Variants in ARID1B observed in about 807,000 individuals in gnomAD.
ARID1B encodes AT-rich interaction domain 1B.
ARID1B carries 30 observed loss-of-function variants against 212.3 expected under a neutral mutation model. That is an observed-to-expected ratio of 0.14 (90% CI 0.11 to 0.19). The LOEUF (loss-of-function observed/expected upper bound fraction) is 0.19, where lower values mean the gene tolerates loss of function less well. Among genes scored for constraint, ARID1B ranks in the 10% least tolerant of loss-of-function variants. The probability of loss-of-function intolerance (pLI) is 1.00; values close to 1 mark genes in which losing one functional copy is unlikely to be tolerated. For synonymous variants in ARID1B, 1,402 were observed against 1,301.7 expected (o/e 1.08, Z -1.66); for missense variants, 2,891 against 3,204.0 (o/e 0.90, Z 2.36).
At chr6:156,978,634 C>T (rs1039013567) in intron 4 of ARID1B, among the ~76,000 whole-genome samples, 3 of 152,086 alleles carry the variant, frequency 2.0e-5, no homozygotes, top group Non-Finnish European at 2.9e-5. Context: ...TGTTTTGTGT[C>T]GTTATACAGA....
intron 3 of ARID1B, among the ~76,000 whole-genome samples, chr6:156,904,472 C>T (rs1012757905): frequency 3.3e-5 from 5 of 152,176 alleles, no homozygotes; most frequent in Non-Finnish European, 7.3e-5. Context: ...CATAAGTGGG[C>T]AGTAATATCT....
intron 2 of ARID1B, among the ~76,000 whole-genome samples, chr6:156,892,606 A>T (rs1383018237): frequency 6.6e-6 from 1 of 152,208 alleles, no homozygotes; most frequent in Non-Finnish European, 1.5e-5. Flanking sequence ...GAGTTTTGAC[A>T]ATTACATACG....
rs753125848 is a variant in ARID1B at position 156,779,162 on chromosome 6, C to G, written c.1482C>G (p.His494Gln). Residue 494 changes from histidine to glutamine, a missense_variant, in exon 1 of 20, where the codon CAC becomes CAG. Coordinates refer to ENST00000636930, the MANE Select transcript of ARID1B (RefSeq NM_001374828.1). ...AGCGCTTCGCCGGCCAGAACCAGCA[C>G]CCGTCGGGGGCCACCCCGACCCTCA... Reference protein sequence around the residue: ...GFQRFAGQNQHPSGATPTLNQ... With the variant: ...GFQRFAGQNQQPSGATPTLNQ... The G allele has an allele frequency of 1.5e-6, 2 of 1,325,392 alleles. No individual in the cohort carries two copies. Among genetic ancestry groups the G allele is most frequent in the Admixed American group, 2.8e-5 (1 of 36,052 alleles). 82.1% of individuals were successfully genotyped at this position (1,325,392 alleles called of 1,614,324 possible). A position where few individuals can be genotyped will look rare whatever the true frequency, so the allele number is the denominator to read the frequency against.
intron 4 of ARID1B, among the ~76,000 whole-genome samples, chr6:156,974,567 T>A (rs1041752847): frequency 6.6e-6 from 1 of 152,172 alleles, no homozygotes; most frequent in African/African-American, 2.4e-5. Flanking sequence ...TGACATCTTC[T>A]TCACACAAGA....
At chr6:156,919,198 G>A (rs1425175896) in intron 3 of ARID1B, among the ~76,000 whole-genome samples, 1 of 152,098 alleles carries the variant, frequency 6.6e-6, no homozygotes, top group South Asian at 2.1e-4. Flanking sequence ...AGTAGCAGAA[G>A]AAAGCAAGAG....
chr6:156,905,845 A>G (rs2128218813), intron 3 of ARID1B, among the ~76,000 whole-genome samples: 1 of 152,064 alleles, frequency 6.6e-6, no homozygotes, highest in Non-Finnish European at 1.5e-5. Context: ...GCTATTTTCT[A>G]AGAATTTTAT....
chr6:156,814,807 A>G (rs1781848973), intron 1 of ARID1B, among the ~76,000 whole-genome samples: 1 of 152,174 alleles, frequency 6.6e-6, no homozygotes, highest in African/African-American at 2.4e-5. Context: ...CACTTTTGGG[A>G]GGATAATACT....
At chr6:156,832,360 T>C (rs1783200689) in intron 2 of ARID1B, among the ~76,000 whole-genome samples, 1 of 152,232 alleles carries the variant, frequency 6.6e-6, no homozygotes, top group South Asian at 2.1e-4. Flanking sequence ...AGCATTGTTG[T>C]AGTTGTGGCT....
chr6:157,190,309 C>T lies in ARID1B; in HGVS notation c.4231+99C>T. 3 of 1,366,228 alleles carry T rather than the reference C, an allele frequency of 2.2e-6. No individual in the cohort carries two copies. Among genetic ancestry groups the T allele is most frequent in the Non-Finnish European group, 2.9e-6 (3 of 1,022,004 alleles). The allele number at this position is 1,366,228 out of a possible 1,614,324, so 84.6% of individuals were successfully genotyped here. ...CCTTTCACTCAGAACACCTCTGAGC[C>T]CATGCTGCATCGGTGTGGGTCCCAG... is the stretch of plus-strand genomic sequence containing the variant. On this transcript the variant is annotated intron_variant, in intron 15 of 19. Transcript: ENST00000636930. The surrounding 1 kb of genome is among the most constrained non-coding windows in gnomAD (Gnocchi z 4.6).
chr6:156,945,096 TG>T (rs1398103057), intron 4 of ARID1B, among the ~76,000 whole-genome samples: 4 of 124,174 alleles, frequency 3.2e-5, no homozygotes, highest in African/African-American at 1.2e-4. Context: ...CTAATTTTTT[TG>T]TATATTTTTT....
chr6:157,157,629 G>A (rs779171599), intron 8 of ARID1B, among the ~76,000 whole-genome samples: 6 of 152,188 alleles, frequency 3.9e-5, no homozygotes, highest in Admixed American at 1.3e-4. Flanking sequence ...CTTAGTAGCA[G>A]TAAGGAGTAT....
intron 4 of ARID1B, among the ~76,000 whole-genome samples, chr6:156,946,501 C>T (rs1264668993): frequency 6.6e-6 from 1 of 152,210 alleles, no homozygotes; most frequent in Admixed American, 6.5e-5. Flanking sequence ...CCACTCCATT[C>T]TTCTATAGTA....
chr6:156,900,569 T>G (rs1788836148), intron 2 of ARID1B, among the ~76,000 whole-genome samples: 2 of 152,226 alleles, frequency 1.3e-5, no homozygotes, highest in Admixed American at 6.5e-5. Flanking sequence ...CCTGATATCT[T>G]GTTTTTCTTT....
chr6:157,107,589 G>A (rs866686252), intron 5 of ARID1B: 1 of 152,166 alleles, frequency 6.6e-6, no homozygotes. Context: ...GTTATCATTG[G>A]AGAATACAGA....
intron 2 of ARID1B, among the ~76,000 whole-genome samples, chr6:156,853,551 T>C (rs1439104826): frequency 1.3e-4 from 19 of 151,958 alleles, no homozygotes; most frequent in Admixed American, 7.9e-4. Flanking sequence ...GGGCAAGGTG[T>C]AGAAATGTCT....
At chr6:156,847,811 A>C (rs2128101154) in intron 2 of ARID1B, among the ~76,000 whole-genome samples, 1 of 152,302 alleles carries the variant, frequency 6.6e-6, no homozygotes, top group Admixed American at 6.5e-5. Flanking sequence ...GAAATTTCTG[A>C]CTGTAGACCC....
At chr6:156,937,399 T>C (rs954437042) in intron 4 of ARID1B, 2 of 152,242 alleles carry the variant, frequency 1.3e-5, no homozygotes, top group Non-Finnish European at 2.9e-5. Context: ...TGTAGATTTG[T>C]CATTGGCTGA....
rs1238767149 is a variant in ARID1B at position 156,777,960 on chromosome 6, G to T, written c.280G>T (p.Ala94Ser). Residue 94 changes from alanine to serine, a missense_variant, in exon 1 of 20, where the codon GCC (alanine) becomes TCC (serine). Coordinates refer to ENST00000636930, the MANE Select transcript of ARID1B (RefSeq NM_001374828.1). ...MAHNAGAAAA[A>S]GTHSAKSGGS... ...CCATAACGCGGGCGCCGCGGCCGCC[G>T]CCGGCACCCACAGCGCCAAGAGCGG... 6.5e-7 allele frequency: 1 copy of T among 1,529,088 alleles called. No individual in the cohort carries two copies. The highest frequency in any genetic ancestry group is 8.7e-7 in the Non-Finnish European group (1 of 1,144,456). The allele number at this position is 1,529,088 out of a possible 1,614,324, so 94.7% of individuals were successfully genotyped here.
At chr6:157,125,856 A>G (rs1309464319) in intron 6 of ARID1B, among the ~76,000 whole-genome samples, 2 of 152,176 alleles carry the variant, frequency 1.3e-5, no homozygotes, top group Admixed American at 6.5e-5. Context: ...GTTGACTAAG[A>G]TGTTACTTTT....
Sources: gnomAD v4.1 joint callset for allele counts (sites outside exome capture counted in the v4.1 genomes callset) on GRCh38, gnomAD v4.1.1 for gene constraint, Gnocchi (gnomAD v3.1) non-coding constraint, MANE v1.5 for transcripts, NCBI Gene and HGNC (gene_info 2026-07-23, HGNC 2026-07-21) for gene names.